The following CEMIP variants were observed in gnomAD, a reference collection of about 807,000 sequenced individuals.
CEMIP encodes the protein cell migration-inducing and hyaluronan-binding protein.
Under a neutral mutation model 156.9 loss-of-function variants are expected in CEMIP, and 105 were observed. The ratio of observed to expected loss-of-function variants is 0.67; its 90% CI spans 0.57 to 0.79. The LOEUF is 0.79. Among genes scored for constraint, CEMIP ranks in the 30% least tolerant of loss-of-function variants. The pLI, the probability that CEMIP is intolerant of heterozygous loss-of-function variation, is 0.00. For synonymous variants in CEMIP, 676 were observed against 668.4 expected (o/e 1.01, Z -0.17); for missense variants, 1,457 against 1,769.4 (o/e 0.82, Z 3.17).
chr15:80,907,779 C>T (rs1395181173), intron 13 of CEMIP, among the ~76,000 whole-genome samples: 1 of 152,186 alleles, frequency 6.6e-6, no homozygotes, highest in Non-Finnish European at 1.5e-5. Flanking sequence ...CTTTTCCAGG[C>T]ATATTATATT....
intron 1 of CEMIP, among the ~76,000 whole-genome samples, chr15:80,799,622 T>C (rs1372826276): frequency 6.6e-6 from 1 of 152,274 alleles, no homozygotes; most frequent in African/African-American, 2.4e-5. Context: ...CTTGCACTTA[T>C]ATTTTTATTA....
At chr15:80,826,019 T>C (rs529643126) in intron 1 of CEMIP, among the ~76,000 whole-genome samples, 3 of 152,314 alleles carry the variant, frequency 2.0e-5, no homozygotes, top group African/African-American at 7.2e-5. Context: ...TACAAATTGT[T>C]ACTTAGGAAC....
chr15:80,880,822 A>G, intron 5 of CEMIP, 78 bp from the exon 6 acceptor site: 1 of 1,190,044 alleles, frequency 8.4e-7, no homozygotes, highest in Non-Finnish European at 1.3e-6. Flanking sequence ...CTGAGCTGTG[A>G]CTCCTAGGTT....
intron 1 of CEMIP, among the ~76,000 whole-genome samples, chr15:80,865,594 G>A (rs117939237): frequency 0.057 from 8,695 of 151,558 alleles, 323 homozygotes; most frequent in Non-Finnish European, 0.077. Flanking sequence ...CCCTTTGAAC[G>A]TGAGGACTTT....
chr15:80,794,631 A>G (rs1896168753), intron 1 of CEMIP, among the ~76,000 whole-genome samples: 1 of 152,300 alleles, frequency 6.6e-6, no homozygotes, highest in Middle Eastern at 3.4e-3. Context: ...AAGTAATGAG[A>G]TTGTTTACAT....
At chr15:80,868,748 A>G (rs1898195489) in intron 1 of CEMIP, among the ~76,000 whole-genome samples, 1 of 152,206 alleles carries the variant, frequency 6.6e-6, no homozygotes, top group African/African-American at 2.4e-5. Flanking sequence ...TAGAGATAAT[A>G]ATGATACCTA....
intron 12 of CEMIP, chr15:80,897,326 G>C (rs761566545): frequency 5.7e-5 from 26 of 455,904 alleles, no homozygotes; most frequent in Non-Finnish European, 8.8e-6. Context: ...CCTGAGATGT[G>C]CTTGTGGAAG....
intron 1 of CEMIP, among the ~76,000 whole-genome samples, chr15:80,796,981 A>G (rs1896245989): frequency 6.6e-6 from 1 of 152,214 alleles, no homozygotes; most frequent in Non-Finnish European, 1.5e-5. Context: ...ATAACCTGGT[A>G]CATTAAAGGA....
At chr15:80,795,328 C>G (rs1042332764) in intron 1 of CEMIP, among the ~76,000 whole-genome samples, 1 of 152,050 alleles carries the variant, frequency 6.6e-6, no homozygotes, top group South Asian at 2.1e-4. Flanking sequence ...AAAATAAATG[C>G]AGGAAGATGG....
Position 80,884,281 on chromosome 15 carries a change from C to A in CEMIP, c.724C>A (p.Arg242=), listed in dbSNP as rs771084010. The A allele has an allele frequency of 6.2e-7, 1 of 1,614,198 alleles. No homozygotes were observed. Among genetic ancestry groups the A allele is most frequent in the Non-Finnish European group, 8.5e-7 (1 of 1,180,030 alleles). The change falls in exon 7 of 30, where the codon CGA becomes AGA. Residue 242 remains arginine, a synonymous_variant. Coordinates refer to ENST00000394685, the MANE Select transcript of CEMIP (RefSeq NM_001293298.2). ...TGTTGCAGTGAATGATGAAGGTTCT[C>A]GAAATCTGGATGACATGGCCAGGAA... The part of the protein sequence containing the change: ...LSVAVNDEGS[R]NLDDMARKAM...
At chr15:80,898,812 C>T (rs751430124) in intron 12 of CEMIP, among the ~76,000 whole-genome samples, 8 of 152,214 alleles carry the variant, frequency 5.3e-5, no homozygotes, top group Non-Finnish European at 8.8e-5. Flanking sequence ...TGTCAGTGTG[C>T]ATGTTGCACA....
chr15:80,936,283 G>A (rs1471767982), intron 23 of CEMIP, among the ~76,000 whole-genome samples: 7 of 152,222 alleles, frequency 4.6e-5, no homozygotes, highest in African/African-American at 1.7e-4. Context: ...AGTTATAGGC[G>A]AGTTGCATTT....
At chr15:80,791,516 G>C (rs1896080993) in intron 1 of CEMIP, among the ~76,000 whole-genome samples, 1 of 152,176 alleles carries the variant, frequency 6.6e-6, no homozygotes, top group Non-Finnish European at 1.5e-5. Flanking sequence ...CATTTCAGGG[G>C]TCTTGTGGTT....
At chr15:80,892,376 C>T (rs928325984) in intron 10 of CEMIP, among the ~76,000 whole-genome samples, 1 of 152,174 alleles carries the variant, frequency 6.6e-6, no homozygotes, top group African/African-American at 2.4e-5. Flanking sequence ...AACAAAAACA[C>T]ACTGTTTCTA....
rs1042748863 is a variant in CEMIP at position 80,880,833 on chromosome 15, C to T, written c.381-67C>T. On this transcript the variant is annotated intron_variant, in intron 5 of 29. Transcript: ENST00000394685. ...GGAGCTGAGCTGTGACTCCTAGGTT[C>T]CCTCTGGGTTCAGTATCCAGTAAAG... is the stretch of plus-strand genomic sequence containing the variant. 1.4e-5 allele frequency: 18 copies of T among 1,319,740 alleles called. No individual in the cohort carries two copies. In the African/African-American group the frequency reaches 2.3e-4, roughly 17 times the overall value. The allele number at this position is 1,319,740 out of a possible 1,614,324, so 81.8% of individuals were successfully genotyped here.
At chr15:80,813,231 G>C (rs1179061057) in intron 1 of CEMIP, among the ~76,000 whole-genome samples, 1 of 152,164 alleles carries the variant, frequency 6.6e-6, no homozygotes, top group Admixed American at 6.5e-5. Context: ...GTTGTAGTGA[G>C]GGTTAAATGA....
At chr15:80,919,053 A>G (rs183351968) in intron 14 of CEMIP, among the ~76,000 whole-genome samples, 1 of 152,256 alleles carries the variant, frequency 6.6e-6, no homozygotes, top group East Asian at 1.9e-4. Context: ...TGGTATCTCA[A>G]TATCCATGCA....
intron 1 of CEMIP, among the ~76,000 whole-genome samples, chr15:80,803,752 CAA>C (rs1402380741): frequency 2.6e-5 from 4 of 152,216 alleles, no homozygotes; most frequent in Non-Finnish European, 5.9e-5. Context: ...TGTCTGAGCT[CAA>C]GTCTGTCTTG....
intron 12 of CEMIP, among the ~76,000 whole-genome samples, chr15:80,905,728 C>A (rs562000663): frequency 6.6e-6 from 1 of 152,008 alleles, no homozygotes; most frequent in Admixed American, 6.6e-5. Flanking sequence ...AGTTTGAAGA[C>A]GGAATATAAG....
Sources: allele counts gnomAD v4.1 joint callset (sites outside exome capture counted in the v4.1 genomes callset), GRCh38; gene constraint gnomAD v4.1.1; transcripts MANE v1.5; gene names NCBI Gene and HGNC (gene_info 2026-07-23, HGNC 2026-07-21).